The following TBC1D2 variants were observed in gnomAD, a reference collection of about 807,000 sequenced individuals.
The protein encoded by TBC1D2 is TBC1 domain family member 2.
TBC1D2 carries 58 observed loss-of-function variants against 91.1 expected under a neutral mutation model. That is an observed-to-expected ratio of 0.64 (90% confidence interval 0.52 to 0.79). The LOEUF (loss-of-function observed/expected upper bound fraction) is 0.79. TBC1D2 is among the 30% of genes least tolerant of loss of function. The pLI is 0.00. For missense variants in TBC1D2, 1,080 were observed against 1,208.3 expected, an observed-to-expected ratio of 0.89 and a Z score of 1.57; for synonymous variants, 482 against 511.5, an observed-to-expected ratio of 0.94 and a Z score of 0.78.
chr9:98,201,943 C>T (rs769177937), intron 10 of TBC1D2, among the ~76,000 whole-genome samples: 16 of 152,184 alleles, frequency 1.1e-4, no homozygotes, highest in Non-Finnish European at 2.2e-4. Flanking sequence ...GTTCTCCGCC[C>T]GCTCACCCAT....
At chr9:98,245,595 G>A (rs10818672) in intron 2 of TBC1D2, among the ~76,000 whole-genome samples, 36,725 of 152,032 alleles carry the variant, frequency 0.24, 4,659 homozygotes, top group Non-Finnish European at 0.28. Flanking sequence ...GGGTTATAGT[G>A]TAATCTCAAT....
intron 2 of TBC1D2, among the ~76,000 whole-genome samples, chr9:98,250,840 C>A (rs908585982): frequency 2.6e-5 from 4 of 152,166 alleles, no homozygotes; most frequent in Non-Finnish European, 4.4e-5. Context: ...CTAAAACCTG[C>A]CAATCATGTT....
At chr9:98,247,034 A>G (rs1052142765) in intron 2 of TBC1D2, among the ~76,000 whole-genome samples, 2 of 152,078 alleles carry the variant, frequency 1.3e-5, no homozygotes, top group African/African-American at 4.8e-5. Flanking sequence ...GTAAAAAAAA[A>G]AAAAAATCAA....
chr9:98,240,840 G>A (rs1386341116), intron 3 of TBC1D2, among the ~76,000 whole-genome samples: 1 of 152,186 alleles, frequency 6.6e-6, no homozygotes, highest in Admixed American at 6.5e-5. Context: ...CACTATGCTT[G>A]GAAGAGCTGT....
chr9:98,233,574 G>A (rs1479992426), intron 3 of TBC1D2, 25 bp from the exon 4 acceptor site: 3 of 1,612,208 alleles, frequency 1.9e-6, no homozygotes. Context: ...GAACAGAGGA[G>A]CATGAGGCTG....
At chr9:98,208,574 AGGCCACAGAT>A (rs1300594343) in intron 9 of TBC1D2, 84 bp downstream of exon 9, 1 of 1,320,454 alleles carries the variant, frequency 7.6e-7, no homozygotes, top group African/African-American at 1.5e-5. Context: ...GCCCCTTAAC[AGGCCACAGAT>A]GGCTGCCTGT....
In TBC1D2 at chr9:98,201,532, T is replaced by C. The variant is rs777465752; in HGVS notation, c.2404A>G (p.Ile802Val). 2 of 1,613,550 alleles carry C rather than the reference T, an allele frequency of 1.2e-6. No homozygotes were observed. Among genetic ancestry groups the C allele is most frequent in the East Asian group, 2.2e-5 (1 of 44,874 alleles). ...CAGACCCGAAGGAGGATGTTGCTAATGAGACTGTCCGCAAAGACCACGAGG... is the reference window on the plus strand; with the variant it reads ...CAGACCCGAAGGAGGATGTTGCTAACGAGACTGTCCGCAAAGACCACGAGG... Reference protein sequence around the residue: ...WFLVVFADSLISNILLRVWDA... With the variant: ...WFLVVFADSLVSNILLRVWDA... The change falls in exon 11 of 13, where the codon ATT (isoleucine) becomes GTT (valine). Residue 802 changes from isoleucine to valine, a missense_variant. Coordinates refer to ENST00000465784, the MANE Select transcript of TBC1D2 (RefSeq NM_001267571.2).
rs558272663 is a variant in TBC1D2, at chr9:98,241,614, T to C, written c.647+2380A>G. 2.0e-5 allele frequency among the ~76,000 whole-genome samples: 3 copies of C among 152,332 alleles called. No individual in the cohort carries two copies. The South Asian group carries it at 6.2e-4, about 32-fold the overall frequency. On this transcript the variant is annotated intron_variant, in intron 3 of 12. Transcript: ENST00000465784. The stretch of plus-strand genomic sequence containing the variant: ...TTCTTGGTCTCTGCATTTTCTATGT[T>C]CTGCTTCTGCTGCTGTGGCCTCTAT...
Position 98,228,907 on chromosome 9 carries a change from G to C in TBC1D2, c.978+45C>G, listed in dbSNP as rs753806685. 17 of 1,582,574 alleles carry C rather than the reference G, an allele frequency of 1.1e-5. No individual in the cohort carries two copies. In the Admixed American group the frequency reaches 2.7e-4, roughly 26 times the overall value. On this transcript the variant is annotated intron_variant, in intron 5 of 12. Coordinates refer to ENST00000465784, the MANE Select transcript of TBC1D2 (RefSeq NM_001267571.2). This position sits in a 1 kb window ranked among gnomAD's most constrained non-coding sequence, Gnocchi z 4.0. ...CTTATCCGAAAGGCTCCAGGAACTG[G>C]AGGGGTCCACTGGAACCTGGGGCCT...
intron 2 of TBC1D2, among the ~76,000 whole-genome samples, chr9:98,249,706 C>T (rs987997755): frequency 6.6e-6 from 1 of 152,100 alleles, no homozygotes; most frequent in East Asian, 1.9e-4. Flanking sequence ...AGTAACAGCA[C>T]CTATATATGT....
chr9:98,224,644 G>C (rs541744856), intron 5 of TBC1D2, among the ~76,000 whole-genome samples: 505 of 152,080 alleles, frequency 3.3e-3, no homozygotes, highest in Middle Eastern at 6.8e-3. Context: ...TTTGATACGT[G>C]GTCATAAGTT....
intron 9 of TBC1D2, among the ~76,000 whole-genome samples, chr9:98,206,118 C>T (rs1293129914): frequency 6.6e-6 from 1 of 152,076 alleles, no homozygotes; most frequent in Non-Finnish European, 1.5e-5. Context: ...CCTCCTGAGG[C>T]AGCTAATTGT....
intron 9 of TBC1D2, among the ~76,000 whole-genome samples, chr9:98,207,796 T>C (rs2119015685): frequency 6.6e-6 from 1 of 152,306 alleles, no homozygotes; most frequent in South Asian, 2.1e-4. Context: ...AGCAGAGCAG[T>C]ACCTTGGTGC....
At chr9:98,247,381 G>T (rs1829787300) in intron 2 of TBC1D2, among the ~76,000 whole-genome samples, 3 of 150,034 alleles carry the variant, frequency 2.0e-5, no homozygotes, top group Admixed American at 2.0e-4. Context: ...AAACAAGAAG[G>T]ATACTCTCTA....
intron 3 of TBC1D2, among the ~76,000 whole-genome samples, chr9:98,235,954 G>T (rs554170119): frequency 1.4e-4 from 21 of 151,918 alleles, no homozygotes; most frequent in Non-Finnish European, 2.6e-4. Flanking sequence ...AGAATGGCAT[G>T]AACCTGGGAG....
intron 2 of TBC1D2, among the ~76,000 whole-genome samples, chr9:98,250,151 G>A (rs1205052520): frequency 6.6e-6 from 1 of 152,198 alleles, no homozygotes; most frequent in African/African-American, 2.4e-5. Context: ...AGAAGGCAAT[G>A]CTGGAGCTTG....
At chr9:98,207,180 C>A (rs2119013214) in intron 9 of TBC1D2, among the ~76,000 whole-genome samples, 1 of 152,300 alleles carries the variant, frequency 6.6e-6, no homozygotes, top group African/African-American at 2.4e-5. Context: ...TGCTCAATTT[C>A]ACCCAATTTT....
chr9:98,209,990 CTTT>C (rs756153569), intron 8 of TBC1D2, among the ~76,000 whole-genome samples: 11,782 of 140,524 alleles, frequency 0.084, 624 homozygotes, highest in Non-Finnish European at 0.13. Flanking sequence ...CACCACTCTT[CTTT>C]TTTTTTTTTT....
intron 6 of TBC1D2, among the ~76,000 whole-genome samples, chr9:98,217,230 G>A (rs1330955714): frequency 6.6e-6 from 1 of 152,200 alleles, no homozygotes. Flanking sequence ...CCTCAGAAAA[G>A]AGAAAAGCCA....
Sources: gnomAD v4.1 joint callset for allele counts (sites outside exome capture counted in the v4.1 genomes callset) on GRCh38, gnomAD v4.1.1 for gene constraint, Gnocchi (gnomAD v3.1) non-coding constraint, MANE v1.5 for transcripts, NCBI Gene and HGNC (gene_info 2026-07-23, HGNC 2026-07-21) for gene names.